CDH18: variants seen among roughly 807,000 people sequenced by gnomAD.
CDH18 encodes cadherin 18, also known as cadherin-18.
In CDH18, 31 loss-of-function variants were observed where a neutral mutation model predicts 67.9. The observed-to-expected ratio is 0.46, with a 90% CI of 0.34 to 0.62. The LOEUF (loss-of-function observed/expected upper bound fraction) is 0.62. CDH18 is among the 20% of genes least tolerant of loss of function. CDH18 has a pLI of 0.01. For synonymous variants in CDH18, 362 were observed against 347.2 expected (o/e 1.04, Z -0.48); for missense variants, 890 against 975.5 (o/e 0.91, Z 1.17).
chr5:19,661,103 C>T (rs573211595), intron 5 of CDH18, among the ~76,000 whole-genome samples: 1 of 151,790 alleles, frequency 6.6e-6, no homozygotes, highest in South Asian at 2.1e-4. Flanking sequence ...ACAAGCATAT[C>T]GATTACACCA....
At chr5:19,914,047 G>T (rs1032647370) in intron 2 of CDH18, among the ~76,000 whole-genome samples, 3 of 152,074 alleles carry the variant, frequency 2.0e-5, no homozygotes, top group African/African-American at 7.2e-5. Flanking sequence ...TTGTATTGAG[G>T]TTATTTAGCT....
At chr5:19,852,873 C>T (rs1783870363) in intron 2 of CDH18, among the ~76,000 whole-genome samples, 1 of 152,004 alleles carries the variant, frequency 6.6e-6, no homozygotes, top group Non-Finnish European at 1.5e-5. Flanking sequence ...AACCGGTGGC[C>T]TTCAGGAGTA....
intron 2 of CDH18, among the ~76,000 whole-genome samples, chr5:19,860,348 C>T (rs555732552): frequency 1.8e-4 from 28 of 151,524 alleles, no homozygotes; most frequent in African/African-American, 6.3e-4. Flanking sequence ...TTCTACATCT[C>T]CAAATCCTTC....
chr5:19,502,837 AAC>A (rs775548016), intron 11 of CDH18, 153 bp downstream of exon 11: 2 of 666,568 alleles, frequency 3.0e-6, no homozygotes, highest in Non-Finnish European at 2.7e-6. Flanking sequence ...CTCAATTTTA[AAC>A]ACAAGCTATT....
intron 2 of CDH18, among the ~76,000 whole-genome samples, chr5:19,969,899 T>C (rs1186846264): frequency 1.3e-5 from 2 of 152,114 alleles, no homozygotes; most frequent in African/African-American, 4.8e-5. Flanking sequence ...CACCTTATTA[T>C]AGTAATATAA....
chr5:19,742,170 C>T (rs1266462640), intron 4 of CDH18, among the ~76,000 whole-genome samples: 1 of 152,066 alleles, frequency 6.6e-6, no homozygotes. Context: ...AAATATACAA[C>T]CACATTATGC....
At chr5:19,990,775 CAAAAG>C (rs1799937260), upstream of CDH18, among the ~76,000 whole-genome samples, 1 of 151,256 alleles carries the variant, frequency 6.6e-6, no homozygotes, top group Admixed American at 6.6e-5. Context: ...TAAAGAAACA[CAAAAG>C]AAAAGAAGAA....
intron 2 of CDH18, among the ~76,000 whole-genome samples, chr5:19,879,755 A>C (rs1787418087): frequency 6.6e-6 from 1 of 152,020 alleles, no homozygotes; most frequent in Non-Finnish European, 1.5e-5. Flanking sequence ...AATACATTTG[A>C]TTTGTTTAAT....
At position 20,194,962 on chromosome 5, in the gene CDH18, C is replaced by T. The variant is rs147781379; in HGVS notation, c.-518+60482G>A. Reference sequence around the variant, plus strand: ...TCAATTTTTTATTTTCATGAGGATGCTTTGAGGGTCTGCAGTTGGTCTGGT... The same window carrying T: ...TCAATTTTTTATTTTCATGAGGATGTTTTGAGGGTCTGCAGTTGGTCTGGT... On this transcript the variant is annotated intron_variant, in intron 2 of 14. Coordinates refer to the CDH18 transcript ENST00000507958. Among the ~76,000 whole-genome samples the T allele has an allele frequency of 7.2e-3, 1,095 of 152,064 alleles. 13 individuals carry two copies. Among genetic ancestry groups the T allele is most frequent in the African/African-American group, 0.024 (992 of 41,506 alleles).
chr5:20,088,157 T>C (rs1243177743), intron 2 of CDH18, among the ~76,000 whole-genome samples: 1 of 152,222 alleles, frequency 6.6e-6, no homozygotes, highest in East Asian at 1.9e-4. Context: ...CCACCACCAT[T>C]GCTATTCCCA....
intron 1 of CDH18, among the ~76,000 whole-genome samples, chr5:20,339,571 G>A (rs113311379): frequency 2.9e-4 from 44 of 152,050 alleles, no homozygotes; most frequent in African/African-American, 1.0e-3. Context: ...GGTTCCCCTG[G>A]TCCATCCTGC....
At chr5:19,537,518 C>T (rs989612404) in intron 9 of CDH18, among the ~76,000 whole-genome samples, 1 of 151,962 alleles carries the variant, frequency 6.6e-6, no homozygotes, top group East Asian at 1.9e-4. Context: ...TCTGGAGAAT[C>T]CTAATACACA....
At chr5:20,443,395 T>G (rs1581008558) in intron 1 of CDH18, among the ~76,000 whole-genome samples, 1 of 151,804 alleles carries the variant, frequency 6.6e-6, no homozygotes, top group African/African-American at 2.4e-5. Flanking sequence ...ATTTACAATA[T>G]CAATGATGAA....
At chr5:20,021,237 G>C (rs1230666579) in intron 2 of CDH18, among the ~76,000 whole-genome samples, 1 of 152,032 alleles carries the variant, frequency 6.6e-6, no homozygotes, top group Non-Finnish European at 1.5e-5. Flanking sequence ...TAATTTTACT[G>C]TCTCATAGGT....
At chr5:19,531,458 C>T (rs561596761) in intron 9 of CDH18, among the ~76,000 whole-genome samples, 8 of 152,172 alleles carry the variant, frequency 5.3e-5, no homozygotes, top group East Asian at 1.9e-4. Flanking sequence ...GCAACACATG[C>T]GGAAGACGTG....
At chr5:19,843,822 G>A (rs1195609878) in intron 2 of CDH18, among the ~76,000 whole-genome samples, 1 of 152,226 alleles carries the variant, frequency 6.6e-6, no homozygotes, top group Admixed American at 6.5e-5. Flanking sequence ...GAGACATGGA[G>A]TAAAAGGAAA....
intron 10 of CDH18, among the ~76,000 whole-genome samples, chr5:19,510,272 G>A (rs1297152626): frequency 6.6e-6 from 1 of 152,046 alleles, no homozygotes; most frequent in African/African-American, 2.4e-5. Flanking sequence ...TGAAACTAAA[G>A]AATACAGATT....
intron 2 of CDH18, among the ~76,000 whole-genome samples, chr5:20,168,690 C>T (rs1736477559): frequency 6.6e-6 from 1 of 151,982 alleles, no homozygotes. Context: ...AAGAGTATTC[C>T]AGTATATTTT....
intron 5 of CDH18, among the ~76,000 whole-genome samples, chr5:19,703,684 G>A (rs1226781034): frequency 2.0e-5 from 3 of 152,080 alleles, no homozygotes; most frequent in African/African-American, 7.2e-5. Flanking sequence ...GTGATATAGA[G>A]GCTTGGCAGT....
Sources: gnomAD v4.1 joint callset for allele counts (sites outside exome capture counted in the v4.1 genomes callset) on GRCh38, gnomAD v4.1.1 for gene constraint, MANE v1.5 for transcripts, NCBI Gene and HGNC (gene_info 2026-07-23, HGNC 2026-07-21) for gene names.